The following GLG1 variants were observed in gnomAD, a reference collection of about 807,000 sequenced individuals.
GLG1 encodes the protein golgi glycoprotein 1.
A neutral mutation model predicts 160.5 loss-of-function variants in GLG1; 38 were observed. That is an observed-to-expected ratio of 0.24 (90% confidence interval 0.18 to 0.31). GLG1 has a LOEUF of 0.31. Among genes scored for constraint, GLG1 ranks in the 10% least tolerant of loss-of-function variants. The pLI is 1.00. For synonymous variants in GLG1, 644 were observed against 543.4 expected (o/e 1.19, Z -2.57); for missense variants, 1,373 against 1,505.2 (o/e 0.91, Z 1.45).
chr16:74,489,234 G>C (rs1012643143), intron 8 of GLG1, among the ~76,000 whole-genome samples: 24 of 152,062 alleles, frequency 1.6e-4, no homozygotes, highest in Non-Finnish European at 2.9e-5. Context: ...ACTTTGGGAG[G>C]CTGAGGCGGG....
chr16:74,557,542 G>C (rs1251971546), intron 1 of GLG1, among the ~76,000 whole-genome samples: 3 of 152,150 alleles, frequency 2.0e-5, no homozygotes, highest in Non-Finnish European at 4.4e-5. Context: ...TCTAGGCATA[G>C]TTAATTCAGA....
intron 1 of GLG1, among the ~76,000 whole-genome samples, chr16:74,593,291 T>C (rs1958224134): frequency 6.6e-6 from 1 of 152,180 alleles, no homozygotes. Context: ...TTCTGCATCG[T>C]TGAAGTTACT....
chr16:74,588,765 C>T (rs1201442545), intron 1 of GLG1, among the ~76,000 whole-genome samples: 8 of 152,026 alleles, frequency 5.3e-5, no homozygotes, highest in African/African-American at 1.9e-4. Flanking sequence ...CTATCTGATT[C>T]GTGGTTTTTC....
At chr16:74,525,410 T>C (rs1223014048) in intron 2 of GLG1, among the ~76,000 whole-genome samples, 1 of 152,204 alleles carries the variant, frequency 6.6e-6, no homozygotes, top group Non-Finnish European at 1.5e-5. Flanking sequence ...AGGGTCTCAC[T>C]ATGTTGCCCA....
intron 14 of GLG1, 67 bp downstream of exon 14, chr16:74,472,280 GAT>G: frequency 1.0e-6 from 1 of 1,000,058 alleles, no homozygotes; most frequent in African/African-American, 1.6e-5. Flanking sequence ...GTGAGTCTGA[GAT>G]ACTCAGGGGA....
intron 1 of GLG1, among the ~76,000 whole-genome samples, chr16:74,550,171 G>T (rs1038661257): frequency 1.3e-5 from 2 of 151,932 alleles, no homozygotes; most frequent in African/African-American, 4.8e-5. Flanking sequence ...TAGAACTTAA[G>T]GGGCACTAAA....
intron 3 of GLG1, 64 bp from the exon 4 acceptor site, chr16:74,503,810 A>C: frequency 9.4e-7 from 1 of 1,061,588 alleles, no homozygotes; most frequent in Non-Finnish European, 1.4e-6. Context: ...AATATTTATC[A>C]AAGAGAAAAA....
At chr16:74,585,384 G>A (rs557679726) in intron 1 of GLG1, among the ~76,000 whole-genome samples, 17 of 152,228 alleles carry the variant, frequency 1.1e-4, no homozygotes, top group African/African-American at 3.1e-4. Flanking sequence ...ACTGCAGCCT[G>A]GGCAACAGAG....
At chr16:74,470,132 T>C (rs1365385226) in intron 15 of GLG1, 59 bp from the exon 16 acceptor site, 11 of 994,722 alleles carry the variant, frequency 1.1e-5, no homozygotes, top group Middle Eastern at 2.1e-4. Flanking sequence ...TCAGTAGTGG[T>C]AGGGCGCACT....
At chr16:74,531,477 C>T (rs2017531363) in intron 2 of GLG1, among the ~76,000 whole-genome samples, 1 of 152,158 alleles carries the variant, frequency 6.6e-6, no homozygotes, top group Admixed American at 6.5e-5. Context: ...CACCGCCATG[C>T]CCAGCTAATT....
chr16:74,503,204 T>C (rs973244364), intron 4 of GLG1, among the ~76,000 whole-genome samples: 1 of 151,466 alleles, frequency 6.6e-6, no homozygotes, highest in Non-Finnish European at 1.5e-5. Flanking sequence ...GAGACTCTGT[T>C]TCAAAAAAAA....
chr16:74,496,388 T>A (rs919803429), intron 5 of GLG1, 53 bp downstream of exon 5: 1 of 1,189,554 alleles, frequency 8.4e-7, no homozygotes, highest in Non-Finnish European at 1.2e-6. Flanking sequence ...AAAACAAAAT[T>A]ATATATGTGT....
At chr16:74,457,264 G>C (rs965865530) in intron 24 of GLG1, among the ~76,000 whole-genome samples, 1 of 152,134 alleles carries the variant, frequency 6.6e-6, no homozygotes, top group Non-Finnish European at 1.5e-5. Flanking sequence ...AGGCATGGTG[G>C]TGGGTGCCTG....
chr16:74,478,409 G>T (rs1020654782), intron 11 of GLG1, among the ~76,000 whole-genome samples: 21 of 152,054 alleles, frequency 1.4e-4, no homozygotes, highest in Admixed American at 1.1e-3. Flanking sequence ...TTTTCCAAGG[G>T]CCATGACAAA....
At chr16:74,546,536 T>C (rs1307676627) in intron 1 of GLG1, among the ~76,000 whole-genome samples, 2 of 152,002 alleles carry the variant, frequency 1.3e-5, no homozygotes, top group Non-Finnish European at 2.9e-5. Context: ...GAATTTATGA[T>C]TAGAAGGATC....
At chr16:74,532,827 C>T (rs1191612576) in intron 1 of GLG1, among the ~76,000 whole-genome samples, 1 of 152,054 alleles carries the variant, frequency 6.6e-6, no homozygotes, top group Non-Finnish European at 1.5e-5. Context: ...GTTCCCAGCC[C>T]CCATCAATGA....
chr16:74,594,939 A>G (rs1043882916), intron 1 of GLG1, among the ~76,000 whole-genome samples: 5 of 152,210 alleles, frequency 3.3e-5, no homozygotes, highest in African/African-American at 1.2e-4. Flanking sequence ...CTGTAATCCC[A>G]ACACTTTGGG....
In GLG1 at chr16:74,451,373, T is replaced by G. The variant is rs1054424925; in HGVS notation, c.*1794A>C. ...CAGTTGGCTTCTGGAACCCACTGCC[T>G]CCAGGAAGGGCAGCAAATAGAAAAA... On this transcript the variant is annotated 3_prime_UTR_variant, in exon 26 of 26. Coordinates refer to ENST00000422840, the MANE Select transcript of GLG1 (RefSeq NM_001145667.2). 6.6e-6 allele frequency: 1 copy of G among 152,080 alleles called. No individual in the cohort carries two copies. The highest frequency in any genetic ancestry group is 6.6e-5 in the Admixed American group (1 of 15,262). 9.4% of individuals were successfully genotyped at this position (152,080 alleles called of 1,614,324 possible).
chr16:74,543,744 T>C (rs1376167305), intron 1 of GLG1, among the ~76,000 whole-genome samples: 2 of 152,078 alleles, frequency 1.3e-5, no homozygotes, highest in African/African-American at 4.8e-5. Context: ...TCTGTGCCTT[T>C]TAAAGTGCTA....
Sources: gnomAD v4.1 joint callset for allele counts (sites outside exome capture counted in the v4.1 genomes callset) on GRCh38, gnomAD v4.1.1 for gene constraint, MANE v1.5 for transcripts, NCBI Gene and HGNC (gene_info 2026-07-23, HGNC 2026-07-21) for gene names.